The following VIT variants were observed in gnomAD, a reference collection of about 807,000 sequenced individuals.
VIT encodes the protein vitrin.
A neutral mutation model predicts 78.0 loss-of-function variants in VIT; 99 were observed. The observed-to-expected ratio is 1.27, with a 90% CI of 1.08 to 1.50. The LOEUF (loss-of-function observed/expected upper bound fraction) is 1.50, where lower values mean the gene tolerates loss of function less well. Ranked by LOEUF, VIT falls within the 40% of genes most tolerant of loss-of-function variation. The pLI, the probability that VIT is intolerant of heterozygous loss-of-function variation, is 0.00. For synonymous variants in VIT, 374 were observed against 334.3 expected (o/e 1.12, Z -1.29); for missense variants, 1,126 against 875.3 (o/e 1.29, Z -3.61).
intron 3 of VIT, among the ~76,000 whole-genome samples, chr2:36,736,784 G>A (rs752958632): frequency 5.9e-5 from 9 of 152,296 alleles, no homozygotes; most frequent in East Asian, 3.9e-4. Flanking sequence ...CACTTTCTCC[G>A]TCAAGTACTG....
In VIT at chr2:36,730,142, G is replaced by A. The variant is rs187308479; in HGVS notation, c.118+651G>A. 7.1e-4 allele frequency among the ~76,000 whole-genome samples: 108 copies of A among 152,152 alleles called. 1 individual carries two copies. In the East Asian group the frequency reaches 0.017, roughly 24 times the overall value. ...GTCTTTATTAAAAATTCAAAAATTA[G>A]CCAGGCCTGATGGCGCATGCCTGTA... is the stretch of plus-strand genomic sequence containing the variant. On this transcript the variant is annotated intron_variant, in intron 3 of 15. Coordinates refer to ENST00000379242, the MANE Select transcript of VIT (RefSeq NM_053276.4).
intron 12 of VIT, among the ~76,000 whole-genome samples, chr2:36,791,191 T>C (rs984352582): frequency 6.6e-6 from 1 of 152,208 alleles, no homozygotes; most frequent in African/African-American, 2.4e-5. Flanking sequence ...CTATAATAGC[T>C]GTCCTGTGGT....
rs1291117274 is a variant in VIT at position 36,736,664 on chromosome 2, T to C, written c.119-6436T>C. On this transcript the variant is annotated intron_variant, in intron 3 of 15. Coordinates refer to ENST00000379242, the MANE Select transcript of VIT (RefSeq NM_053276.4). Reference sequence around the variant, plus strand: ...GCAAAGTCTGTGTCCTCAGTAAGCATCAATCTTGTATAAGATGAAACAAAA... The same window carrying C: ...GCAAAGTCTGTGTCCTCAGTAAGCACCAATCTTGTATAAGATGAAACAAAA... Among the ~76,000 whole-genome samples the C allele has an allele frequency of 2.0e-5, 3 of 152,288 alleles. No homozygotes were observed. In the East Asian group the frequency reaches 5.8e-4, roughly 29 times the overall value.
intron 7 of VIT, among the ~76,000 whole-genome samples, chr2:36,769,092 G>A (rs192397956): frequency 2.2e-4 from 33 of 152,250 alleles, no homozygotes; most frequent in Non-Finnish European, 3.8e-4. Flanking sequence ...GAAACAGGAA[G>A]GATGCTGGAT....
At chr2:36,752,406 C>G (rs571737833) in intron 4 of VIT, among the ~76,000 whole-genome samples, 9 of 152,272 alleles carry the variant, frequency 5.9e-5, no homozygotes, top group African/African-American at 2.2e-4. Flanking sequence ...AGGGACTGAC[C>G]CTCAGTTATC....
chr2:36,724,412 T>C (rs1178805180), intron 2 of VIT, among the ~76,000 whole-genome samples: 1 of 152,194 alleles, frequency 6.6e-6, no homozygotes, highest in Non-Finnish European at 1.5e-5. Flanking sequence ...CACTTTGAAG[T>C]GGGCATCAGC....
In VIT at chr2:36,801,211, T is replaced by A. The variant is rs560820363; in HGVS notation, c.1059-90T>A. The A allele has an allele frequency of 4.3e-5, 50 of 1,176,268 alleles. No individual in the cohort carries two copies. In the South Asian group the frequency reaches 5.7e-4, roughly 13 times the overall value. 72.9% of individuals were successfully genotyped at this position (1,176,268 alleles called of 1,614,324 possible). A position where few individuals can be genotyped will look rare whatever the true frequency, so the allele number is the denominator to read the frequency against. ...CAGAAGGCTTTGAAGCAGCTTCTAT[T>A]TGTATATAAAAGAATCAACCATGAT... On this transcript the variant is annotated intron_variant, in intron 12 of 15. Coordinates refer to ENST00000379242, the MANE Select transcript of VIT (RefSeq NM_053276.4).
At chr2:36,727,101 C>T (rs1244282011) in intron 2 of VIT, among the ~76,000 whole-genome samples, 1 of 152,058 alleles carries the variant, frequency 6.6e-6, no homozygotes, top group Non-Finnish European at 1.5e-5. Flanking sequence ...CTGCAGTTGC[C>T]TCGATGGGAC....
intron 1 of VIT, among the ~76,000 whole-genome samples, chr2:36,711,538 T>G (rs1394328560): frequency 6.6e-6 from 1 of 152,160 alleles, no homozygotes; most frequent in Admixed American, 6.5e-5. Flanking sequence ...TCAGTTCCCT[T>G]ATCTTTAAAA....
intron 6 of VIT, among the ~76,000 whole-genome samples, chr2:36,764,437 T>G (rs1669300209): frequency 6.6e-6 from 1 of 152,232 alleles, no homozygotes; most frequent in African/African-American, 2.4e-5. Context: ...GAAACTTCCC[T>G]AGTACTTGTT....
intron 1 of VIT, among the ~76,000 whole-genome samples, chr2:36,703,887 T>C (rs1665227066): frequency 6.6e-6 from 1 of 151,542 alleles, no homozygotes; most frequent in African/African-American, 2.4e-5. Flanking sequence ...CTTGGGCAGG[T>C]TTTTTTGTTT....
intron 1 of VIT, among the ~76,000 whole-genome samples, chr2:36,716,073 T>C (rs183046547): frequency 9.2e-5 from 14 of 152,346 alleles, no homozygotes; most frequent in African/African-American, 2.6e-4. Context: ...ATTCTCAAAA[T>C]TGTAGAGTTA....
At chr2:36,778,894 G>A (rs1309091605) in intron 9 of VIT, among the ~76,000 whole-genome samples, 1 of 152,188 alleles carries the variant, frequency 6.6e-6, no homozygotes, top group Non-Finnish European at 1.5e-5. Flanking sequence ...TACACCCCAG[G>A]GGAGTCACTG....
chr2:36,767,244 T>C lies in VIT; in HGVS notation c.638T>C (p.Ile213Thr). 4 of 1,593,680 alleles carry C rather than the reference T, an allele frequency of 2.5e-6. No individual in the cohort carries two copies. The highest frequency in any genetic ancestry group is 3.4e-6 in the Non-Finnish European group (4 of 1,170,934). The change falls in exon 7 of 16, where the codon ATC (isoleucine) becomes ACC (threonine). Residue 213 changes from isoleucine (I) to threonine (T), a missense_variant. By Grantham distance (89) the Ile-to-Thr change is moderately conservative. Transcript: ENST00000379242. ...CCTTCTGCTGCTTCTACCACCAGCATCCCCAGACCACAATCAGTGGGCCAC... is the reference window on the plus strand; with the variant it reads ...CCTTCTGCTGCTTCTACCACCAGCACCCCCAGACCACAATCAGTGGGCCAC... ...PSPSAASTTS[I>T]PRPQSVGHRS...
intron 5 of VIT, among the ~76,000 whole-genome samples, chr2:36,756,982 T>C (rs1218470629): frequency 6.6e-6 from 1 of 152,222 alleles, no homozygotes; most frequent in Non-Finnish European, 1.5e-5. Flanking sequence ...TCGACTTCCA[T>C]CTCCCCTCAT....
intron 11 of VIT, 128 bp from the exon 12 acceptor site, chr2:36,787,001 C>A (rs529534403): frequency 4.1e-6 from 5 of 1,211,210 alleles, no homozygotes; most frequent in Non-Finnish European, 5.8e-6. Flanking sequence ...TACCCTGCAT[C>A]TTCCTACCTC....
intron 1 of VIT, among the ~76,000 whole-genome samples, chr2:36,704,621 G>A (rs1357623704): frequency 6.6e-6 from 1 of 152,080 alleles, no homozygotes; most frequent in African/African-American, 2.4e-5. Flanking sequence ...TGTTTCTACT[G>A]GTCCCTGGAA....
At chr2:36,758,649 T>C (rs1304409216) in intron 5 of VIT, among the ~76,000 whole-genome samples, 1 of 152,236 alleles carries the variant, frequency 6.6e-6, no homozygotes, top group Non-Finnish European at 1.5e-5. Context: ...CTGATACAAT[T>C]AAACATTCGA....
intron 7 of VIT, among the ~76,000 whole-genome samples, chr2:36,769,039 A>C (rs974701258): frequency 9.2e-5 from 14 of 152,224 alleles, no homozygotes; most frequent in African/African-American, 3.4e-4. Flanking sequence ...TGTTTAACTC[A>C]GGATAATATT....
Sources: gnomAD v4.1 joint callset for allele counts (sites outside exome capture counted in the v4.1 genomes callset) on GRCh38, gnomAD v4.1.1 for gene constraint, MANE v1.5 for transcripts, NCBI Gene and HGNC (gene_info 2026-07-23, HGNC 2026-07-21) for gene names.